UBXN8: variants seen among roughly 807,000 people sequenced by gnomAD.
The protein encoded by UBXN8 is UBX domain protein 8.
Under a neutral mutation model 32.1 loss-of-function variants are expected in UBXN8, and 27 were observed. The ratio of observed to expected loss-of-function variants is 0.84; its 90% CI spans 0.62 to 1.16. The LOEUF is 1.16. Ranked by LOEUF, UBXN8 falls within the 50% of genes most tolerant of loss-of-function variation. UBXN8 has a pLI of 0.00. For synonymous variants in UBXN8, 109 were observed against 111.8 expected (o/e 0.98, Z 0.16); for missense variants, 306 against 311.4 (o/e 0.98, Z 0.13).
At position 30,748,705 on chromosome 8, in the gene UBXN8, T is replaced by C. The variant is rs143053206; in HGVS notation, c.89-2691T>C. On this transcript the variant is annotated intron_variant, in intron 1 of 7. Transcript: ENST00000265616. ...ACAGGCACCCACCATCATGCCTGGC[T>C]AATTTTTGTATTTTGGTAGAGATGG... Among the ~76,000 whole-genome samples the C allele has an allele frequency of 5.8e-3, 882 of 152,212 alleles. 9 individuals are homozygous for C. The highest frequency in any genetic ancestry group is 0.02 in the African/African-American group (830 of 41,554).
intron 1 of UBXN8, among the ~76,000 whole-genome samples, chr8:30,748,840 CTATATA>C (rs1805432115): frequency 6.6e-6 from 1 of 152,138 alleles, no homozygotes; most frequent in African/African-American, 2.4e-5. Context: ...CTCGCCCGGC[CTATATA>C]TATGTTTTTC....
At chr8:30,761,846 C>T (rs28647469) in intron 6 of UBXN8, among the ~76,000 whole-genome samples, 1 of 152,004 alleles carries the variant, frequency 6.6e-6, no homozygotes, top group East Asian at 1.9e-4. Flanking sequence ...GGGGGCTGGG[C>T]TGGGACTGAT....
intron 4 of UBXN8, 35 bp downstream of exon 4, chr8:30,754,822 TCTTA>T (rs1371654895): frequency 1.3e-6 from 2 of 1,543,590 alleles, no homozygotes; most frequent in East Asian, 2.4e-5. Context: ...TTTTGAATCC[TCTTA>T]CTATGTTTCC....
At chr8:30,748,316 A>G (rs1030932930) in intron 1 of UBXN8, among the ~76,000 whole-genome samples, 1 of 151,414 alleles carries the variant, frequency 6.6e-6, no homozygotes, top group Non-Finnish European at 1.5e-5. Flanking sequence ...GAAAAAATAT[A>G]TATATATTAT....
Position 30,746,915 on chromosome 8 carries a change from G to A in UBXN8, c.88+2638G>A, listed in dbSNP as rs574215938. ...GTACACAAAAAAATCCCAGCACTCT[G>A]GGAGGCCGAGGCAGGCGAGTCATGA... On this transcript the variant is annotated intron_variant, in intron 1 of 7. Coordinates refer to ENST00000265616, the MANE Select transcript of UBXN8 (RefSeq NM_005671.4). Among the ~76,000 whole-genome samples the A allele has an allele frequency of 9.3e-5, 13 of 139,622 alleles. 3 individuals are homozygous for A. The highest frequency in any genetic ancestry group is 1.8e-4 in the Non-Finnish European group (12 of 65,242). The allele number at this position is 139,622 out of a possible 152,430, so 91.6% of individuals were successfully genotyped here. A position where few individuals can be genotyped will look rare whatever the true frequency, so the allele number is the denominator to read the frequency against.
At chr8:30,758,501 C>T (rs1271439342) in intron 5 of UBXN8, among the ~76,000 whole-genome samples, 1 of 152,304 alleles carries the variant, frequency 6.6e-6, no homozygotes, top group East Asian at 1.9e-4. Flanking sequence ...TCTGTTTTTA[C>T]TGGCCCTTAG....
chr8:30,738,729 G>T (rs1371445541), intron 1 of UBXN8, among the ~76,000 whole-genome samples: 1 of 151,686 alleles, frequency 6.6e-6, no homozygotes, highest in Non-Finnish European at 1.5e-5. Context: ...GCTCAGGTGG[G>T]TGGATCACCT....
Position 30,751,482 on chromosome 8 carries a change from C to T in UBXN8, c.175C>T (p.Leu59Phe), listed in dbSNP as rs1805521677. The T allele has an allele frequency of 1.2e-6, 2 of 1,609,908 alleles. No individual in the cohort carries two copies. Residue 59 changes from leucine (L) to phenylalanine (F), a missense_variant, in exon 2 of 8, where the codon CTT (leucine) becomes TTT (phenylalanine). By Grantham distance (22) the Leu-to-Phe change is conservative. Transcript: ENST00000265616. ...AACTATTTCTGTGACTACCTCATGG[C>T]TTAACTCATTTAAATCTCCCCAAGT... ...TLTISVTTSW[L>F]NSFKSPQVYL...
chr8:30,763,612 C>T (rs1178383217), intron 7 of UBXN8, among the ~76,000 whole-genome samples: 5 of 152,214 alleles, frequency 3.3e-5, no homozygotes, highest in Non-Finnish European at 7.3e-5. Flanking sequence ...GCTTTCATTA[C>T]ATTATCATAA....
chr8:30,752,956 T>C (rs1235266618), intron 2 of UBXN8, 79 bp from the exon 3 acceptor site: 1 of 1,420,710 alleles, frequency 7.0e-7, no homozygotes, highest in Non-Finnish European at 9.3e-7. Flanking sequence ...TTTCTTTCTT[T>C]TGATACATTA....
chr8:30,751,291 A>C, intron 1 of UBXN8, 105 bp from the exon 2 acceptor site: 3 of 925,836 alleles, frequency 3.2e-6, no homozygotes, highest in African/African-American at 1.7e-5. Context: ...AGGCAGGAGG[A>C]TCACGTGAGC....
At position 30,759,144 on chromosome 8, in the gene UBXN8, C is replaced by T. The variant is rs752070712; in HGVS notation, c.529-1744C>T. ...TCCTGACCTCATGATCTGCCCTCCT[C>T]GGCCTCCCAAAGTGCTGGGATTACA... On this transcript the variant is annotated intron_variant, in intron 5 of 7. Coordinates refer to ENST00000265616, the MANE Select transcript of UBXN8 (RefSeq NM_005671.4). Among the ~76,000 whole-genome samples, 8 of 151,972 alleles carry T rather than the reference C, an allele frequency of 5.3e-5. No homozygotes were observed. In the South Asian group the frequency reaches 6.2e-4, roughly 12 times the overall value.
chr8:30,753,105 G>T lies in UBXN8; in HGVS notation c.282G>T (p.Lys94Asn). 1 of 1,509,742 alleles carries T rather than the reference G, an allele frequency of 6.6e-7. No homozygotes were observed. The allele number at this position is 1,509,742 out of a possible 1,614,324, so 93.5% of individuals were successfully genotyped here. A position where few individuals can be genotyped will look rare whatever the true frequency, so the allele number is the denominator to read the frequency against. Residue 94 changes from lysine to asparagine, a missense_variant and splice_region_variant, in exon 3 of 8, where the codon AAG becomes AAT. Physicochemically the swap from Lys to Asn is moderately conservative, Grantham distance 94 (BLOSUM62 0). Transcript: ENST00000265616. ...AACAACAAGAAGCACAAGGAGAGAA[G>T]GTAAGGCAGAATTTTTAGAGACTTT... ...RKKQQEAQGEKASRYIENVLK... is the reference protein window; with the variant it reads ...RKKQQEAQGENASRYIENVLK...
upstream of UBXN8, chr8:30,732,204 T>A (rs1447393397): frequency 1.1e-5 from 4 of 370,090 alleles, no homozygotes. Context: ...TCCAGAAGTT[T>A]CCCACCAGAG....
intron 6 of UBXN8, among the ~76,000 whole-genome samples, chr8:30,762,061 C>CTTT (rs11393072): frequency 3.0e-5 from 4 of 135,432 alleles, no homozygotes; most frequent in African/African-American, 2.7e-5. Flanking sequence ...CCTTGGAAAC[C>CTTT]TTTTTTTTTT....
At chr8:30,751,788 T>A (rs1040475525) in intron 2 of UBXN8, among the ~76,000 whole-genome samples, 1 of 152,192 alleles carries the variant, frequency 6.6e-6, no homozygotes, top group Non-Finnish European at 1.5e-5. Flanking sequence ...TAAGTTGTTA[T>A]ATGGTAAATT....
intron 7 of UBXN8, among the ~76,000 whole-genome samples, chr8:30,764,818 G>A (rs1805953958): frequency 6.6e-6 from 1 of 152,170 alleles, no homozygotes; most frequent in Admixed American, 6.5e-5. Flanking sequence ...TTGGGAGGCT[G>A]AGGCAAGCGG....
At chr8:30,739,644 T>G (rs1042273306), upstream of UBXN8, among the ~76,000 whole-genome samples, 4 of 152,180 alleles carry the variant, frequency 2.6e-5, no homozygotes, top group East Asian at 7.7e-4. Flanking sequence ...CAATATATAT[T>G]TCCTGTTTAT....
intron 7 of UBXN8, among the ~76,000 whole-genome samples, chr8:30,764,809 T>C (rs1006589836): frequency 6.6e-6 from 1 of 152,156 alleles, no homozygotes; most frequent in Admixed American, 6.6e-5. Flanking sequence ...CCCAGCACTT[T>C]GGGAGGCTGA....
Sources: gnomAD v4.1 joint callset for allele counts (sites outside exome capture counted in the v4.1 genomes callset) on GRCh38, gnomAD v4.1.1 for gene constraint, MANE v1.5 for transcripts, NCBI Gene and HGNC (gene_info 2026-07-23, HGNC 2026-07-21) for gene names.